The following CEMIP variants were observed in gnomAD, a reference collection of about 807,000 sequenced individuals.
The protein encoded by CEMIP is cell migration-inducing and hyaluronan-binding protein.
CEMIP carries 105 observed loss-of-function variants against 156.9 expected under a neutral mutation model. The observed-to-expected ratio is 0.67, with a 90% CI of 0.57 to 0.79. The LOEUF (loss-of-function observed/expected upper bound fraction) is 0.79. Among genes scored for constraint, CEMIP ranks in the 30% least tolerant of loss-of-function variants. CEMIP has a pLI of 0.00. For missense variants in CEMIP, 1,457 were observed against 1,769.4 expected, an observed-to-expected ratio of 0.82 and a Z score of 3.17; for synonymous variants, 676 against 668.4, an observed-to-expected ratio of 1.01 and a Z score of -0.17.
intron 1 of CEMIP, among the ~76,000 whole-genome samples, chr15:80,788,181 T>A (rs1264250711): frequency 6.6e-6 from 1 of 152,040 alleles, no homozygotes; most frequent in African/African-American, 2.4e-5. Context: ...AAAATAAATT[T>A]TTTTTAAGGC....
intron 3 of CEMIP, among the ~76,000 whole-genome samples, chr15:80,874,715 C>T (rs977255527): frequency 6.6e-6 from 1 of 152,172 alleles, no homozygotes; most frequent in Non-Finnish European, 1.5e-5. Context: ...CCCTGGGCTA[C>T]AGGAAACACT....
rs771315984 is a variant in CEMIP at position 80,937,870 on chromosome 15, C to T, written c.3298C>T (p.Leu1100=). 5 of 1,614,140 alleles carry T rather than the reference C, an allele frequency of 3.1e-6. No homozygotes were observed. In the Admixed American group the frequency reaches 6.7e-5, roughly 22 times the overall value. The change falls in exon 25 of 30, where the codon CTG becomes TTG. Residue 1100 remains leucine, a synonymous_variant. Transcript: ENST00000394685. ...FSILSDVHNR[L]LKQTSKTGVF... is the part of the protein sequence containing the mutation. ...CATCCTCTCGGATGTTCACAATCGC[C>T]TGCTGAAGCAAACGTCCAAGACGGG...
chr15:80,791,708 T>C (rs1242143806), intron 1 of CEMIP, among the ~76,000 whole-genome samples: 1 of 152,224 alleles, frequency 6.6e-6, no homozygotes, highest in African/African-American at 2.4e-5. Flanking sequence ...CTGTGGCCTC[T>C]GTGCTGGCTT....
intron 1 of CEMIP, among the ~76,000 whole-genome samples, chr15:80,855,702 T>C (rs1897836967): frequency 6.6e-6 from 1 of 152,238 alleles, no homozygotes; most frequent in South Asian, 2.1e-4. Flanking sequence ...TTTGCGTTTT[T>C]AGTAGAGACG....
intron 14 of CEMIP, chr15:80,909,823 A>C (rs187485651): frequency 2.8e-6 from 1 of 353,040 alleles, no homozygotes; most frequent in African/African-American, 2.1e-5. Flanking sequence ...TCCACAGATA[A>C]TTTTCGTACT....
intron 1 of CEMIP, among the ~76,000 whole-genome samples, chr15:80,810,831 TCCA>T (rs1896654852): frequency 6.6e-6 from 1 of 151,950 alleles, no homozygotes; most frequent in South Asian, 2.1e-4. Context: ...CATCCATCCA[TCCA>T]TCCATCCATC....
At chr15:80,920,349 T>G (rs755495307) in intron 15 of CEMIP, 50 bp downstream of exon 15, 4 of 1,508,828 alleles carry the variant, frequency 2.7e-6, no homozygotes, top group Non-Finnish European at 3.7e-6. Context: ...GGTGTACATG[T>G]GTGTGCATGT....
chr15:80,847,514 A>C (rs372153973), intron 1 of CEMIP, among the ~76,000 whole-genome samples: 29 of 152,312 alleles, frequency 1.9e-4, no homozygotes, highest in African/African-American at 7.0e-4. Flanking sequence ...TGTTGTGAAG[A>C]AAGTAAAGAT....
At chr15:80,824,835 A>G (rs939478693) in intron 1 of CEMIP, among the ~76,000 whole-genome samples, 5 of 152,214 alleles carry the variant, frequency 3.3e-5, no homozygotes. Flanking sequence ...TGGTTCCCAC[A>G]TAGTAAGCAG....
rs764798139 is a variant in CEMIP at position 80,879,701 on chromosome 15, A to G, written c.242-15A>G. ...CACTGTGTTATTAAACCTCCCCCCA[A>G]TGCTACCTCTTCAGGCAAGCTGGTC... On this transcript the variant is annotated splice_polypyrimidine_tract_variant and intron_variant, in intron 4 of 29. Transcript: ENST00000394685. 1.4e-5 allele frequency: 23 copies of G among 1,614,124 alleles called. No homozygotes were observed. Among genetic ancestry groups the G allele is most frequent in the South Asian group, 8.8e-5 (8 of 91,074 alleles).
At chr15:80,943,700 T>G (rs1901429846) in intron 28 of CEMIP, among the ~76,000 whole-genome samples, 1 of 152,194 alleles carries the variant, frequency 6.6e-6, no homozygotes, top group East Asian at 1.9e-4. Context: ...CAATTCTGCC[T>G]GCAGTACTGC....
At chr15:80,874,262 G>A (rs552834525) in intron 3 of CEMIP, among the ~76,000 whole-genome samples, 2 of 152,354 alleles carry the variant, frequency 1.3e-5, no homozygotes, top group East Asian at 1.9e-4. Flanking sequence ...ACCAGGTAGC[G>A]ACTGTGGTCA....
chr15:80,889,909 CT>C (rs919552813), intron 10 of CEMIP, among the ~76,000 whole-genome samples: 3 of 152,214 alleles, frequency 2.0e-5, no homozygotes, highest in Non-Finnish European at 4.4e-5. Flanking sequence ...CGTCAATTTC[CT>C]TAGGGACCTT....
At chr15:80,782,966 G>A (rs1449114497) in intron 1 of CEMIP, among the ~76,000 whole-genome samples, 1 of 152,180 alleles carries the variant, frequency 6.6e-6, no homozygotes, top group African/African-American at 2.4e-5. Context: ...AATGAGGGGA[G>A]GAACTGTCAT....
rs575061905 is a variant in CEMIP at position 80,865,716 on chromosome 15, ATTC to A, written c.-175-7812_-175-7810del. On this transcript the variant is annotated intron_variant, in intron 1 of 29. Transcript: ENST00000394685. ...TGTATTTTATGTGTGGCCCAAGACA[ATTC>A]TTCTTCTTCCAGTATGGCCCAGGGA... is the stretch of plus-strand genomic sequence containing the variant. 9.4e-3 allele frequency among the ~76,000 whole-genome samples: 1,410 copies of A among 150,632 alleles called. 26 individuals carry two copies. The highest frequency in any genetic ancestry group is 0.032 in the African/African-American group (1,319 of 40,824).
chr15:80,906,787 A>T lies in CEMIP; in HGVS notation c.1536A>T (p.Arg512Ser). Residue 512 changes from arginine to serine, a missense_variant, in exon 13 of 30, where the codon AGA becomes AGT. Physicochemically the swap from Arg to Ser is moderately radical, Grantham distance 110. Around this residue, in one of 5 missense-constraint regions of CEMIP, gnomAD observed 280 missense variants for 300.3 expected, o/e 0.93. Coordinates refer to ENST00000394685, the MANE Select transcript of CEMIP (RefSeq NM_001293298.2). This position sits in a 1 kb window ranked among gnomAD's most constrained non-coding sequence, Gnocchi z 4.3. The part of the protein sequence containing the change: ...GEMEDKCYPY[R>S]NHICNFFDFD... ...TGGAGGACAAATGCTACCCCTACAG[A>T]AACCACATCTGCAATTTCTTTGACT... 1 of 1,614,192 alleles carries T rather than the reference A, an allele frequency of 6.2e-7. No homozygotes were observed. The highest frequency in any genetic ancestry group is 8.5e-7 in the Non-Finnish European group (1 of 1,180,024).
chr15:80,941,842 T>C lies in CEMIP; in HGVS notation c.3408-7T>C, dbSNP rs369013200. On this transcript the variant is annotated splice_polypyrimidine_tract_variant and splice_region_variant and intron_variant, in intron 25 of 29. Coordinates refer to ENST00000394685, the MANE Select transcript of CEMIP (RefSeq NM_001293298.2). ...AGCAAATGCCCAGCAATGCTCCTTGTGTGCAGGCTGTTGTTCCTGAAGCTG... is the reference window on the plus strand; with the variant it reads ...AGCAAATGCCCAGCAATGCTCCTTGCGTGCAGGCTGTTGTTCCTGAAGCTG... 3.0e-5 allele frequency: 49 copies of C among 1,612,826 alleles called. No homozygotes were observed. In the African/African-American group the frequency reaches 6.4e-4, roughly 21 times the overall value.
intron 28 of CEMIP, among the ~76,000 whole-genome samples, chr15:80,945,759 C>A (rs542171232): frequency 2.0e-5 from 3 of 152,204 alleles, no homozygotes; most frequent in African/African-American, 7.2e-5. Flanking sequence ...ACAAACTGGA[C>A]GCCCCATTGA....
chr15:80,908,861 C>G (rs921993750), intron 13 of CEMIP, among the ~76,000 whole-genome samples: 2 of 152,230 alleles, frequency 1.3e-5, no homozygotes, highest in African/African-American at 4.8e-5. Flanking sequence ...CATCTCATTT[C>G]TAAGCACTCC....
Sources: allele counts gnomAD v4.1 joint callset (sites outside exome capture counted in the v4.1 genomes callset), GRCh38; gene constraint gnomAD v4.1.1; regional missense constraint gnomAD v4.1.1; non-coding constraint Gnocchi (gnomAD v3.1); transcripts MANE v1.5; gene names NCBI Gene and HGNC (gene_info 2026-07-23, HGNC 2026-07-21).